PRRC2C: variants seen among roughly 807,000 people sequenced by gnomAD.
PRRC2C encodes protein PRRC2C.
A neutral mutation model predicts 317.2 loss-of-function variants in PRRC2C; 72 were observed. The ratio of observed to expected loss-of-function variants is 0.23; its 90% confidence interval spans 0.19 to 0.28. The LOEUF (loss-of-function observed/expected upper bound fraction) is 0.28. PRRC2C is among the 10% of genes least tolerant of loss of function. PRRC2C has a pLI of 1.00. For synonymous variants in PRRC2C, 1,296 were observed against 1,205.9 expected (o/e 1.07, Z -1.55); for missense variants, 3,074 against 3,459.7 (o/e 0.89, Z 2.80).
At chr1:171,539,405 G>A (rs1677519072) in intron 15 of PRRC2C, among the ~76,000 whole-genome samples, 1 of 152,196 alleles carries the variant, frequency 6.6e-6, no homozygotes, top group African/African-American at 2.4e-5. Context: ...TGTAAGCAGT[G>A]TTATACAGCA....
intron 1 of PRRC2C, among the ~76,000 whole-genome samples, chr1:171,491,131 A>AG (rs1490351857): frequency 6.6e-6 from 1 of 152,224 alleles, no homozygotes; most frequent in Non-Finnish European, 1.5e-5. Flanking sequence ...TTAAAGATAA[A>AG]GGGGAAGATA....
chr1:171,579,083 A>G (rs1647908674), intron 26 of PRRC2C, among the ~76,000 whole-genome samples: 1 of 152,190 alleles, frequency 6.6e-6, no homozygotes, highest in African/African-American at 2.4e-5. Context: ...TTTACCACTG[A>G]CAAAATCTGC....
chr1:171,490,013 G>A (rs1166308113), intron 1 of PRRC2C, among the ~76,000 whole-genome samples: 5 of 151,908 alleles, frequency 3.3e-5, no homozygotes, highest in Non-Finnish European at 4.4e-5. Context: ...TCTCCCTCCC[G>A]GGTTCAAGTG....
Position 171,566,841 on chromosome 1 carries a change from A to C in PRRC2C, c.6556A>C (p.Lys2186Gln). Reference sequence around the variant, plus strand: ...ATCTGCAGAATATGGTACTAATGCAAAGGTAAGCCACATGTAGGGATTACC... The same window carrying C: ...ATCTGCAGAATATGGTACTAATGCACAGGTAAGCCACATGTAGGGATTACC... ...VSSAEYGTNAKESVTDYTTPS... is the reference protein window; with the variant it reads ...VSSAEYGTNAQESVTDYTTPS... Residue 2186 changes from lysine (K) to glutamine (Q), a missense_variant and splice_region_variant, in exon 22 of 35, where the codon AAG becomes CAG. This residue lies in a region of PRRC2C where 640 missense variants were observed against 676.1 expected (regional missense o/e 0.95). Coordinates refer to ENST00000647382, the MANE Select transcript of PRRC2C (RefSeq NM_001387844.1). 1 of 1,608,908 alleles carries C rather than the reference A, an allele frequency of 6.2e-7. No homozygotes were observed. The highest frequency in any genetic ancestry group is 8.5e-7 in the Non-Finnish European group (1 of 1,177,840).
chr1:171,584,646 T>G, intron 30 of PRRC2C, 120 bp downstream of exon 30: 1 of 1,178,024 alleles, frequency 8.5e-7, no homozygotes, highest in Non-Finnish European at 1.2e-6. Context: ...TTTAAACTGT[T>G]CACTGAGATG....
At chr1:171,591,393 TCACATGAAATATTTC>T in intron 34 of PRRC2C, 179 bp from the exon 35 acceptor site, 1 of 335,430 alleles carries the variant, frequency 3.0e-6, no homozygotes, top group Non-Finnish European at 4.8e-6. Flanking sequence ...TTTTTTTAAA[TCACATGAAATATTTC>T]AAAAATAGGA....
At chr1:171,566,088 T>G (rs1683598628) in intron 20 of PRRC2C, 145 bp from the exon 21 acceptor site, 1 of 651,320 alleles carries the variant, frequency 1.5e-6, no homozygotes, top group Admixed American at 3.2e-5. Context: ...AAGAGAAAAT[T>G]ATCCTAAAAT....
intron 17 of PRRC2C, among the ~76,000 whole-genome samples, chr1:171,547,738 G>A (rs995285317): frequency 2.7e-5 from 4 of 147,126 alleles, no homozygotes; most frequent in East Asian, 4.1e-4. Flanking sequence ...CTACCTCCTC[G>A]GTTCAAGTGA....
intron 20 of PRRC2C, among the ~76,000 whole-genome samples, chr1:171,561,545 A>G (rs1275598788): frequency 1.3e-5 from 2 of 152,176 alleles, no homozygotes; most frequent in East Asian, 1.9e-4. Flanking sequence ...TTCATGACTT[A>G]TTAGGTCTGG....
At chr1:171,576,693 GT>G (rs768491576) in intron 25 of PRRC2C, among the ~76,000 whole-genome samples, 1 of 151,576 alleles carries the variant, frequency 6.6e-6, no homozygotes, top group Non-Finnish European at 1.5e-5. Context: ...GAGTTGTGTG[GT>G]TTTTTTTGTT....
Position 171,566,347 on chromosome 1 carries a change from TCTG to T in PRRC2C, c.6236_6238del (p.Ala2079del), listed in dbSNP as rs1683658391. 1 of 1,599,498 alleles carries T rather than the reference TCTG, an allele frequency of 6.3e-7. No homozygotes were observed. The highest frequency in any genetic ancestry group is 8.5e-7 in the Non-Finnish European group (1 of 1,172,842). On this transcript the variant is annotated inframe_deletion, in exon 21 of 35. Coordinates refer to ENST00000647382, the MANE Select transcript of PRRC2C (RefSeq NM_001387844.1). ...AGTTGTTCCTGTGCTTTCGGAAAAATCTGCTGACAAAATACCTGAACCTAAAGA... is the reference window on the plus strand; with the variant it reads ...AGTTGTTCCTGTGCTTTCGGAAAAATCTGACAAAATACCTGAACCTAAAGA...
intron 18 of PRRC2C, 110 bp downstream of exon 18, chr1:171,550,350 T>A: frequency 1.1e-6 from 1 of 923,594 alleles, no homozygotes. Context: ...ATTATTCAAG[T>A]GTTAAAAGTG....
chr1:171,530,612 T>C (rs1675655636), intron 11 of PRRC2C, among the ~76,000 whole-genome samples: 1 of 150,810 alleles, frequency 6.6e-6, no homozygotes, highest in Non-Finnish European at 1.5e-5. Context: ...ACAAAAAGAC[T>C]TGAACATTTG....
chr1:171,583,451 A>T (rs1034772494), intron 28 of PRRC2C, among the ~76,000 whole-genome samples: 1 of 152,200 alleles, frequency 6.6e-6, no homozygotes, highest in Non-Finnish European at 1.5e-5. Flanking sequence ...CTTCAGGGGC[A>T]GTAACACATA....
At chr1:171,500,723 C>T (rs939998759) in intron 1 of PRRC2C, among the ~76,000 whole-genome samples, 1 of 152,192 alleles carries the variant, frequency 6.6e-6, no homozygotes, top group African/African-American at 2.4e-5. Context: ...TATTAAACTG[C>T]TGCCTTCCAA....
At chr1:171,591,333 G>A in intron 34 of PRRC2C, 5 of 731,202 alleles carry the variant, frequency 6.8e-6, no homozygotes, top group South Asian at 4.2e-5. Flanking sequence ...TTTAATATGA[G>A]AGGGCAGACC....
In PRRC2C at chr1:171,542,040, C is replaced by G. The variant is rs578078702; in HGVS notation, c.4574C>G (p.Thr1525Arg). The change falls in exon 16 of 35, where the codon ACA becomes AGA. Residue 1525 changes from threonine to arginine, a missense_variant. Thr to Arg is a moderately conservative substitution (Grantham distance 71, BLOSUM62 -1). Around this residue, in one of 11 missense-constraint regions of PRRC2C, gnomAD observed 178 missense variants for 163.0 expected, o/e 1.09. Transcript: ENST00000647382. ...AAAAATGCTGACTTGAATGCACAAACAGTTGTAAAGGTTGGAGAGAATGTT... is the reference window on the plus strand; with the variant it reads ...AAAAATGCTGACTTGAATGCACAAAGAGTTGTAAAGGTTGGAGAGAATGTT... The part of the protein sequence containing the change: ...EKKNADLNAQ[T>R]VVKVGENVLP... The G allele has an allele frequency of 6.2e-7, 1 of 1,613,698 alleles. No individual in the cohort carries two copies. Among genetic ancestry groups the G allele is most frequent in the African/African-American group, 1.3e-5 (1 of 74,966 alleles).
Position 171,550,380 on chromosome 1 carries a change from T to G in PRRC2C, c.5127+140T>G, listed in dbSNP as rs1414664286. On this transcript the variant is annotated intron_variant, in intron 18 of 34. Coordinates refer to ENST00000647382, the MANE Select transcript of PRRC2C (RefSeq NM_001387844.1). ...AAAGTGACATCATCTTCCCAACTTT[T>G]AATCATTTTGACCAGAATCAAAGGA... 4 of 707,524 alleles carry G rather than the reference T, an allele frequency of 5.7e-6. No homozygotes were observed. The East Asian group carries it at 1.2e-4, about 22-fold the overall frequency. The allele number at this position is 707,524 out of a possible 1,614,324, so 43.8% of individuals were successfully genotyped here.
rs771172716 is a variant in PRRC2C, at chr1:171,537,386, G to C, written c.2417G>C (p.Arg806Pro). The change falls in exon 15 of 35, where the codon CGT becomes CCT. Residue 806 changes from arginine (R) to proline (P), a missense_variant. By Grantham distance (103) the Arg-to-Pro change is moderately radical. Transcript: ENST00000647382. ...CACGCAATTTCCCTTTCTGAGCCTC[G>C]TATGCTGTGGGGGTCAGATCCCTAT... The part of the protein sequence containing the change: ...RDHAISLSEP[R>P]MLWGSDPYPH... 1.5e-5 allele frequency: 24 copies of C among 1,587,878 alleles called. No homozygotes were observed. The highest frequency in any genetic ancestry group is 1.9e-5 in the Non-Finnish European group (22 of 1,166,368).
Sources: gnomAD v4.1 joint callset for allele counts (sites outside exome capture counted in the v4.1 genomes callset) on GRCh38, gnomAD v4.1.1 for gene constraint, gnomAD v4.1.1 regional missense constraint, MANE v1.5 for transcripts, NCBI Gene and HGNC (gene_info 2026-07-23, HGNC 2026-07-21) for gene names.